The following POLN variants were observed in gnomAD, a reference collection of about 807,000 sequenced individuals.
POLN encodes the protein DNA polymerase N.
A neutral mutation model predicts 113.5 loss-of-function variants in POLN; 108 were observed. The observed-to-expected ratio is 0.95, with a 90% CI of 0.81 to 1.12. The LOEUF is 1.12. Among genes scored for constraint, POLN ranks in the 50% most tolerant of loss-of-function variants. The probability of loss-of-function intolerance (pLI) is 0.00; values close to 1 mark genes in which losing one functional copy is unlikely to be tolerated. For missense variants in POLN, 1,097 were observed against 1,077.1 expected, an observed-to-expected ratio of 1.02 and a Z score of -0.26; for synonymous variants, 386 against 391.5, an observed-to-expected ratio of 0.99 and a Z score of 0.17.
intron 17 of POLN, 41 bp from the exon 18 acceptor site, chr4:2,129,297 G>A: frequency 1.6e-6 from 2 of 1,260,546 alleles, no homozygotes; most frequent in Non-Finnish European, 2.3e-6. Context: ...ATTTGGTCAT[G>A]AACTGATGCA....
At chr4:2,133,986 C>T (rs1731790923) in intron 16 of POLN, among the ~76,000 whole-genome samples, 1 of 152,218 alleles carries the variant, frequency 6.6e-6, no homozygotes, top group African/African-American at 2.4e-5. Context: ...AAACGATCCC[C>T]GGAGCTTTAC....
chr4:2,219,323 AG>A (rs1370033483), intron 3 of POLN, among the ~76,000 whole-genome samples: 1 of 152,190 alleles, frequency 6.6e-6, no homozygotes, highest in East Asian at 1.9e-4. Context: ...AAGTTCCCAG[AG>A]TAAATGGCCA....
chr4:2,072,197 G>C lies in POLN; in HGVS notation c.2620C>G (p.Pro874Ala), dbSNP rs1412376064. The change falls in exon 26 of 26, where the codon CCC becomes GCC. Residue 874 changes from proline (P) to alanine (A), a missense_variant. Coordinates refer to ENST00000511885, the MANE Select transcript of POLN (RefSeq NM_181808.4). ...CCAGGGGCAGCCAGGCTGTTGCTGG[G>C]AGACTCAGTGCGACATGGGCCTGGC... ...PPPGPCRTES[P>A]SNSLAAPGSP... 6 of 1,610,786 alleles carry C rather than the reference G, an allele frequency of 3.7e-6. No homozygotes were observed. The South Asian group carries it at 6.6e-5, about 18-fold the overall frequency.
chr4:2,179,805 C>A (rs1053625341), intron 7 of POLN, among the ~76,000 whole-genome samples: 1 of 152,184 alleles, frequency 6.6e-6, no homozygotes, highest in African/African-American at 2.4e-5. Flanking sequence ...GGTCATGCTA[C>A]CTGCCTCCCC....
intron 8 of POLN, among the ~76,000 whole-genome samples, chr4:2,177,764 G>A (rs1361501416): frequency 6.6e-6 from 1 of 152,266 alleles, no homozygotes; most frequent in East Asian, 1.9e-4. Context: ...GGCATGAAGT[G>A]TGGGTAGGGA....
intron 20 of POLN, among the ~76,000 whole-genome samples, chr4:2,087,851 G>A (rs868594380): frequency 2.0e-5 from 3 of 150,770 alleles, no homozygotes; most frequent in South Asian, 2.1e-4. Flanking sequence ...TTTTCCTTTT[G>A]AGACAGTGTC....
chr4:2,198,778 C>T, intron 5 of POLN, 61 bp from the exon 6 acceptor site: 1 of 1,412,720 alleles, frequency 7.1e-7, no homozygotes, highest in South Asian at 1.4e-5. Flanking sequence ...GAAAGACATA[C>T]ATTTTAAAAT....
intron 15 of POLN, among the ~76,000 whole-genome samples, 170 bp downstream of exon 15, chr4:2,157,688 A>C (rs1278260450): frequency 7.3e-6 from 1 of 137,626 alleles, no homozygotes; most frequent in African/African-American, 2.7e-5. Flanking sequence ...CTGACACTGC[A>C]CTCCAGCCCG....
chr4:2,095,189 G>T (rs940258112), intron 20 of POLN, among the ~76,000 whole-genome samples: 1 of 152,048 alleles, frequency 6.6e-6, no homozygotes, highest in Non-Finnish European at 1.5e-5. Context: ...TTGGGGCTAG[G>T]GGGTAGGGGG....
chr4:2,216,384 A>T (rs989974928), intron 3 of POLN, among the ~76,000 whole-genome samples: 4 of 152,190 alleles, frequency 2.6e-5, no homozygotes, highest in Non-Finnish European at 5.9e-5. Flanking sequence ...CATTTATTAC[A>T]CAAACCAAGG....
At position 2,198,636 on chromosome 4, in the gene POLN, C is replaced by A; in HGVS notation, c.796G>T (p.Ala266Ser). Residue 266 changes from alanine (A) to serine (S), a missense_variant, in exon 6 of 26, where the codon GCC (alanine) becomes TCC (serine). Transcript: ENST00000511885. Reference sequence around the variant, plus strand: ...AAGCCCTCCAGAACAGGACCACAGGCCGGGGCATCTGGACAGCCATGGCCA... The same window carrying A: ...AAGCCCTCCAGAACAGGACCACAGGACGGGGCATCTGGACAGCCATGGCCA... ...EGGHGCPDAP[A>S]CGPVLEGFVS... 1 of 1,613,908 alleles carries A rather than the reference C, an allele frequency of 6.2e-7. No homozygotes were observed. Among genetic ancestry groups the A allele is most frequent in the Non-Finnish European group, 8.5e-7 (1 of 1,179,946 alleles).
At chr4:2,106,732 AT>A (rs1210499338) in intron 19 of POLN, among the ~76,000 whole-genome samples, 1 of 151,856 alleles carries the variant, frequency 6.6e-6, no homozygotes, top group African/African-American at 2.4e-5. Context: ...TATGGACTTC[AT>A]TTTTTTTCCA....
intron 20 of POLN, chr4:2,089,228 T>C (rs2108694896): frequency 6.5e-7 from 1 of 1,533,514 alleles, no homozygotes; most frequent in Non-Finnish European, 8.8e-7. Flanking sequence ...TATACATCAA[T>C]TGTTTCTGCA....
intron 17 of POLN, among the ~76,000 whole-genome samples, chr4:2,129,530 C>T (rs571441460): frequency 2.6e-5 from 4 of 152,100 alleles, no homozygotes; most frequent in African/African-American, 7.2e-5. Context: ...GCTGGGACTA[C>T]AGGTGCACAC....
chr4:2,072,828 C>A, intron 25 of POLN, 140 bp downstream of exon 25: 1 of 854,158 alleles, frequency 1.2e-6, no homozygotes, highest in Non-Finnish European at 1.9e-6. Flanking sequence ...GACGGTCCAG[C>A]CTCCACGGCT....
rs115815611 is a variant in POLN at position 2,201,759 on chromosome 4, C to T, written c.715-3042G>A. On this transcript the variant is annotated intron_variant, in intron 5 of 25. Coordinates refer to ENST00000511885, the MANE Select transcript of POLN (RefSeq NM_181808.4). ...CTAGGCACATTGTCATCAGTTTATC[C>T]AAAGTTAAGACAAAGGAAAGAATCT... Among the ~76,000 whole-genome samples, 365 of 152,122 alleles carry T rather than the reference C, an allele frequency of 2.4e-3. 1 individual carries two copies. The highest frequency in any genetic ancestry group is 8.4e-3 in the African/African-American group (348 of 41,510).
chr4:2,223,689 G>A (rs898786210), intron 3 of POLN, among the ~76,000 whole-genome samples: 1 of 152,182 alleles, frequency 6.6e-6, no homozygotes, highest in African/African-American at 2.4e-5. Flanking sequence ...CTACAAAGCT[G>A]TACAGCATGT....
At chr4:2,083,299 C>T (rs1241152033) in intron 21 of POLN, among the ~76,000 whole-genome samples, 2 of 152,350 alleles carry the variant, frequency 1.3e-5, no homozygotes, top group East Asian at 3.9e-4. Flanking sequence ...TCCACTCATC[C>T]AGACCACTCT....
rs149881345 is a variant in POLN at position 2,236,895 on chromosome 4, A to T, written c.-13+4625T>A. Among the ~76,000 whole-genome samples, 57 of 149,330 alleles carry T rather than the reference A, an allele frequency of 3.8e-4. 1 individual carries two copies. The highest frequency in any genetic ancestry group is 9.0e-4 in the African/African-American group (37 of 40,946). ...TAATAATAATAATTATAATTATAAT[A>T]ATAATATTATTATTATTTGTGTGCC... On this transcript the variant is annotated intron_variant, in intron 2 of 25. Coordinates refer to ENST00000511885, the MANE Select transcript of POLN (RefSeq NM_181808.4).
Sources: allele counts gnomAD v4.1 joint callset (sites outside exome capture counted in the v4.1 genomes callset), GRCh38; gene constraint gnomAD v4.1.1; transcripts MANE v1.5; gene names NCBI Gene and HGNC (gene_info 2026-07-23, HGNC 2026-07-21).